TNKS: variants seen among roughly 807,000 people sequenced by gnomAD.
TNKS encodes poly [ADP-ribose] polymerase tankyrase-1.
A neutral mutation model predicts 135.8 loss-of-function variants in TNKS; 72 were observed. The ratio of observed to expected loss-of-function variants is 0.53; its 90% CI spans 0.44 to 0.64. The LOEUF is 0.64. TNKS is among the 30% of genes least tolerant of loss of function. The probability of loss-of-function intolerance (pLI) is 0.00; values close to 1 mark genes in which losing one functional copy is unlikely to be tolerated. For missense variants in TNKS, 1,769 were observed against 1,674.0 expected (o/e 1.06, Z -0.99); for synonymous variants, 849 against 649.3 (o/e 1.31, Z -4.68).
chr8:9,689,688 A>G (rs909457916), intron 5 of TNKS, among the ~76,000 whole-genome samples: 2 of 152,220 alleles, frequency 1.3e-5, no homozygotes, highest in Admixed American at 6.5e-5. Context: ...CATTATAGAA[A>G]TGCAGAAACA....
intron 2 of TNKS, among the ~76,000 whole-genome samples, chr8:9,593,306 A>T (rs1798655713): frequency 6.6e-6 from 1 of 152,218 alleles, no homozygotes; most frequent in African/African-American, 2.4e-5. Flanking sequence ...CCAGTGAAGA[A>T]GGAGAAAGTT....
chr8:9,763,148 C>T lies in TNKS; in HGVS notation c.3276C>T (p.Gly1092=), dbSNP rs1381616077. ...GVERLLGGQQ[G]TNPYLTFHCV... Reference sequence around the variant, plus strand: ...TATGTTAATTTTTCTCTCCGACAGGCACCAATCCTTATTTGACTTTTCACT... The same window carrying T: ...TATGTTAATTTTTCTCTCCGACAGGTACCAATCCTTATTTGACTTTTCACT... The change falls in exon 22 of 27, where the codon GGC becomes GGT. Residue 1092 remains glycine (G), a splice_region_variant and synonymous_variant. Transcript: ENST00000310430. The T allele has an allele frequency of 1.3e-6, 2 of 1,580,314 alleles. No individual in the cohort carries two copies. The highest frequency in any genetic ancestry group is 1.7e-5 in the Admixed American group (1 of 58,670).
At chr8:9,757,771 A>G (rs1437851870) in intron 20 of TNKS, among the ~76,000 whole-genome samples, 1 of 152,246 alleles carries the variant, frequency 6.6e-6, no homozygotes, top group Non-Finnish European at 1.5e-5. Flanking sequence ...GTAACTTTCC[A>G]ACTATAAGGG....
chr8:9,751,531 G>C (rs1487090860), intron 18 of TNKS, 78 bp from the exon 19 acceptor site: 4 of 1,347,870 alleles, frequency 3.0e-6, no homozygotes, highest in Non-Finnish European at 1.0e-6. Context: ...AATCCACAAA[G>C]TATTTGGTTA....
At chr8:9,620,264 C>G (rs1397346880) in intron 3 of TNKS, among the ~76,000 whole-genome samples, 1 of 152,042 alleles carries the variant, frequency 6.6e-6, no homozygotes, top group South Asian at 2.1e-4. Context: ...CTTTCTTTGC[C>G]TCACACTTTG....
intron 26 of TNKS, among the ~76,000 whole-genome samples, chr8:9,775,602 A>G (rs1299190857): frequency 1.3e-5 from 2 of 150,124 alleles, no homozygotes; most frequent in African/African-American, 2.4e-5. Flanking sequence ...TACTAATAAA[A>G]ATAATAACAA....
At chr8:9,563,666 C>G (rs1797420456) in intron 1 of TNKS, among the ~76,000 whole-genome samples, 3 of 152,060 alleles carry the variant, frequency 2.0e-5, no homozygotes, top group South Asian at 4.1e-4. Context: ...TTTCTGAACT[C>G]TCTCCTTTTA....
chr8:9,740,823 G>GTTTTTTTTTTTTTTTTTTTTTTTT (rs565849400), intron 17 of TNKS: 2 of 60,496 alleles, frequency 3.3e-5, no homozygotes, highest in Admixed American at 2.7e-4. Flanking sequence ...TGTAATTCTT[G>GTTTTTTTTTTTTTTTTTTTTTTTT]TTGTTTTTTT....
intron 2 of TNKS, among the ~76,000 whole-genome samples, chr8:9,582,157 A>G (rs992313672): frequency 2.0e-5 from 3 of 152,006 alleles, no homozygotes; most frequent in Non-Finnish European, 4.4e-5. Context: ...GCTTGCAGAA[A>G]CCTCTTAGGA....
chr8:9,671,399 C>T (rs1299548831), intron 3 of TNKS, among the ~76,000 whole-genome samples: 1 of 152,128 alleles, frequency 6.6e-6, no homozygotes, highest in East Asian at 1.9e-4. Context: ...GAGATACATC[C>T]ATATAATGGA....
At chr8:9,677,639 A>G (rs1585316717) in intron 3 of TNKS, among the ~76,000 whole-genome samples, 1 of 152,184 alleles carries the variant, frequency 6.6e-6, no homozygotes. Context: ...GAAGTACAGT[A>G]TGGAAGTATT....
At chr8:9,667,844 T>G (rs1195234352) in intron 3 of TNKS, among the ~76,000 whole-genome samples, 3 of 151,918 alleles carry the variant, frequency 2.0e-5, no homozygotes, top group African/African-American at 4.8e-5. Context: ...TCTGGGTTTT[T>G]TTTTTTTTTT....
intron 3 of TNKS, among the ~76,000 whole-genome samples, chr8:9,677,926 C>G (rs578256655): frequency 1.1e-4 from 17 of 152,224 alleles, no homozygotes; most frequent in African/African-American, 4.1e-4. Context: ...CTGAGGATTA[C>G]TTGTCCTTCC....
intron 3 of TNKS, among the ~76,000 whole-genome samples, chr8:9,627,065 A>G (rs1290933614): frequency 1.3e-5 from 2 of 152,076 alleles, no homozygotes; most frequent in Non-Finnish European, 2.9e-5. Context: ...GGTTAAGTTG[A>G]TCACCAGTGG....
At chr8:9,768,547 G>T (rs1177449363) in intron 25 of TNKS, among the ~76,000 whole-genome samples, 2 of 152,248 alleles carry the variant, frequency 1.3e-5, no homozygotes, top group Admixed American at 1.3e-4. Context: ...CCAGTGAGCA[G>T]ACTTGAGCCA....
At chr8:9,573,876 T>C (rs1797849833) in intron 1 of TNKS, among the ~76,000 whole-genome samples, 1 of 152,324 alleles carries the variant, frequency 6.6e-6, no homozygotes, top group South Asian at 2.1e-4. Context: ...TTCTCTTTTA[T>C]TAAATTTCAG....
chr8:9,741,295 C>A (rs749276696), intron 17 of TNKS, among the ~76,000 whole-genome samples: 1 of 152,036 alleles, frequency 6.6e-6, no homozygotes, highest in Non-Finnish European at 1.5e-5. Context: ...CTTTTATCGT[C>A]TCTGTAAACT....
At chr8:9,583,991 C>T (rs930193334) in intron 2 of TNKS, among the ~76,000 whole-genome samples, 21 of 150,918 alleles carry the variant, frequency 1.4e-4, no homozygotes, top group Non-Finnish European at 1.0e-4. Flanking sequence ...AGTGAAACAC[C>T]GTCTCTACTA....
At chr8:9,598,745 A>C (rs1209766116) in intron 2 of TNKS, among the ~76,000 whole-genome samples, 3,612 of 97,602 alleles carry the variant, frequency 0.037, 230 homozygotes, top group African/African-American at 0.12. Flanking sequence ...CTGTGTGTGT[A>C]TATATGTATA....
Sources: gnomAD v4.1 joint callset for allele counts (sites outside exome capture counted in the v4.1 genomes callset) on GRCh38, gnomAD v4.1.1 for gene constraint, MANE v1.5 for transcripts, NCBI Gene and HGNC (gene_info 2026-07-23, HGNC 2026-07-21) for gene names.